The following FRMD5 variants were observed in gnomAD, a reference collection of about 807,000 sequenced individuals.
The protein encoded by FRMD5 is FERM domain containing 5.
FRMD5 carries 20 observed loss-of-function variants against 69.0 expected under a neutral mutation model. The ratio of observed to expected loss-of-function variants is 0.29; its 90% CI spans 0.20 to 0.42. FRMD5 has a LOEUF of 0.42. Ranked by LOEUF, FRMD5 falls within the 10% of genes least tolerant of loss-of-function variation. FRMD5 has a pLI of 1.00. For missense variants in FRMD5, 595 were observed against 708.6 expected, an observed-to-expected ratio of 0.84 and a Z score of 1.82; for synonymous variants, 271 against 260.1, an observed-to-expected ratio of 1.04 and a Z score of -0.40.
rs2140354789 is a variant in FRMD5, at chr15:43,883,690, A to G, written c.1135+13T>C. ...GAGGACCCCAGTGGTCACCTCAAGA[A>G]GCTCATGCTCACCTTCCATGATGGA... is the stretch of plus-strand genomic sequence containing the variant. On this transcript the variant is annotated intron_variant, in intron 13 of 13. Coordinates refer to ENST00000417257, the MANE Select transcript of FRMD5 (RefSeq NM_032892.5). The G allele has an allele frequency of 1.9e-6, 3 of 1,591,464 alleles. No homozygotes were observed. The highest frequency in any genetic ancestry group is 2.2e-5 in the East Asian group (1 of 44,528).
chr15:43,905,006 C>T lies in FRMD5; in HGVS notation c.551+822G>A, dbSNP rs568844235. Among the ~76,000 whole-genome samples the T allele has an allele frequency of 3.3e-5, 5 of 152,252 alleles. No homozygotes were observed. The South Asian group carries it at 6.2e-4, about 19-fold the overall frequency. On this transcript the variant is annotated intron_variant, in intron 6 of 13. Transcript: ENST00000417257. ...GAGGACATACTTCTGAACCAGAGTG[C>T]TCCCAAGGCACCCTCAGCATTTATG...
chr15:43,916,161 C>T (rs1414629950), intron 4 of FRMD5, among the ~76,000 whole-genome samples: 1 of 152,194 alleles, frequency 6.6e-6, no homozygotes, highest in African/African-American at 2.4e-5. Flanking sequence ...CAAATGCATG[C>T]AGACCGAGAG....
At chr15:43,994,740 T>C (rs1365205854) in intron 1 of FRMD5, among the ~76,000 whole-genome samples, 2 of 152,234 alleles carry the variant, frequency 1.3e-5, no homozygotes, top group Non-Finnish European at 2.9e-5. Flanking sequence ...CGCTTAGCAT[T>C]TTTAAATAGT....
chr15:44,022,824 G>A (rs1227429944), intron 1 of FRMD5, among the ~76,000 whole-genome samples: 2 of 152,104 alleles, frequency 1.3e-5, no homozygotes, highest in South Asian at 2.1e-4. Context: ...TAGACCATCT[G>A]AGTAGTCTAG....
Position 44,030,623 on chromosome 15 carries a change from C to G in FRMD5, c.103-106314G>C, listed in dbSNP as rs959629674. Among the ~76,000 whole-genome samples, 6 of 152,100 alleles carry G rather than the reference C, an allele frequency of 3.9e-5. No homozygotes were observed. In the East Asian group the frequency reaches 1.2e-3, roughly 29 times the overall value. On this transcript the variant is annotated intron_variant, in intron 1 of 13. Coordinates refer to ENST00000417257, the MANE Select transcript of FRMD5 (RefSeq NM_032892.5). ...AGTATGTTTCCCTTTCTGAGTCTCCCTAGTTAAACACTATAATCAATGGCA... is the reference window on the plus strand; with the variant it reads ...AGTATGTTTCCCTTTCTGAGTCTCCGTAGTTAAACACTATAATCAATGGCA...
chr15:44,119,228 G>A (rs867858716), intron 1 of FRMD5, among the ~76,000 whole-genome samples: 9 of 152,054 alleles, frequency 5.9e-5, no homozygotes, highest in Admixed American at 5.2e-4. Context: ...CCAAAGTACT[G>A]GAATTACAGG....
intron 1 of FRMD5, chr15:44,101,509 C>T (rs2076639817): frequency 6.6e-6 from 1 of 152,634 alleles, no homozygotes; most frequent in African/African-American, 2.4e-5. Flanking sequence ...TTCCAGGCCT[C>T]TTACAGATGA....
At chr15:44,068,715 C>T (rs1357799094) in intron 1 of FRMD5, among the ~76,000 whole-genome samples, 1 of 152,162 alleles carries the variant, frequency 6.6e-6, no homozygotes, top group African/African-American at 2.4e-5. Flanking sequence ...CTAAAACCCA[C>T]TGATTTGTAT....
At chr15:44,117,164 TTTGTC>T (rs1190747538) in intron 1 of FRMD5, among the ~76,000 whole-genome samples, 4 of 152,084 alleles carry the variant, frequency 2.6e-5, no homozygotes, top group Non-Finnish European at 5.9e-5. Flanking sequence ...TAAAATGTAT[TTTGTC>T]TTCACCCAGT....
At chr15:43,951,467 T>C (rs765923309) in intron 1 of FRMD5, among the ~76,000 whole-genome samples, 1 of 151,812 alleles carries the variant, frequency 6.6e-6, no homozygotes, top group Non-Finnish European at 1.5e-5. Context: ...TTGCTGTTGA[T>C]TGTAGTTGCC....
intron 1 of FRMD5, among the ~76,000 whole-genome samples, chr15:43,973,035 T>C (rs2090406053): frequency 1.3e-5 from 2 of 152,252 alleles, no homozygotes; most frequent in Admixed American, 1.3e-4. Flanking sequence ...TTCTTGTTTT[T>C]TTTTTGAGAC....
At chr15:43,921,621 G>A (rs1405952771) in intron 2 of FRMD5, among the ~76,000 whole-genome samples, 1 of 152,124 alleles carries the variant, frequency 6.6e-6, no homozygotes, top group East Asian at 1.9e-4. Context: ...TGACCAAATC[G>A]GTCCCAGATT....
chr15:44,067,790 A>T (rs1370514075), intron 1 of FRMD5, among the ~76,000 whole-genome samples: 2 of 152,214 alleles, frequency 1.3e-5, no homozygotes, highest in Non-Finnish European at 2.9e-5. Flanking sequence ...AAAAAAGTGA[A>T]AACACAACCC....
chr15:44,127,274 T>C (rs971396940), intron 1 of FRMD5, among the ~76,000 whole-genome samples: 17 of 152,156 alleles, frequency 1.1e-4, no homozygotes, highest in African/African-American at 4.1e-4. Context: ...GTATTTTTGG[T>C]GGAGACAGGG....
At chr15:43,988,036 C>T (rs920459799) in intron 1 of FRMD5, among the ~76,000 whole-genome samples, 1 of 152,152 alleles carries the variant, frequency 6.6e-6, no homozygotes, top group East Asian at 1.9e-4. Context: ...CTCATGTGCA[C>T]AGTTCACAAT....
At chr15:43,952,542 A>C (rs1238918927) in intron 1 of FRMD5, among the ~76,000 whole-genome samples, 1 of 152,234 alleles carries the variant, frequency 6.6e-6, no homozygotes, top group Non-Finnish European at 1.5e-5. Context: ...GTCTGGGAGC[A>C]CGGCCATCAT....
intron 1 of FRMD5, among the ~76,000 whole-genome samples, chr15:44,109,032 C>A (rs746496337): frequency 7.1e-6 from 1 of 140,732 alleles, no homozygotes; most frequent in African/African-American, 2.8e-5. Context: ...TTTGCCAATG[C>A]CATTGCCAGA....
intron 1 of FRMD5, among the ~76,000 whole-genome samples, chr15:43,957,990 A>C (rs1037005132): frequency 3.3e-5 from 5 of 152,210 alleles, no homozygotes; most frequent in Non-Finnish European, 5.9e-5. Context: ...CCTATTTTGC[A>C]AATGAACAAC....
At chr15:43,991,411 A>G (rs1889669747) in intron 1 of FRMD5, among the ~76,000 whole-genome samples, 1 of 152,166 alleles carries the variant, frequency 6.6e-6, no homozygotes, top group African/African-American at 2.4e-5. Flanking sequence ...GCATCCATAC[A>G]CATGAGCCCT....
Sources: gnomAD v4.1 joint callset for allele counts (sites outside exome capture counted in the v4.1 genomes callset) on GRCh38, gnomAD v4.1.1 for gene constraint, MANE v1.5 for transcripts, NCBI Gene and HGNC (gene_info 2026-07-23, HGNC 2026-07-21) for gene names.